PRKCI: variants seen among roughly 807,000 people sequenced by gnomAD.
PRKCI encodes protein kinase C iota.
Under a neutral mutation model 84.0 loss-of-function variants are expected in PRKCI, and 43 were observed. The observed-to-expected ratio is 0.51, with a 90% CI of 0.40 to 0.66. The LOEUF (loss-of-function observed/expected upper bound fraction) is 0.66. Ranked by LOEUF, PRKCI falls within the 30% of genes least tolerant of loss-of-function variation. The probability of loss-of-function intolerance (pLI) is 0.00; values close to 1 mark genes in which losing one functional copy is unlikely to be tolerated. For missense variants in PRKCI, 459 were observed against 745.6 expected (o/e 0.62, Z 4.48); for synonymous variants, 216 against 234.4 (o/e 0.92, Z 0.72).
At position 170,222,831 on chromosome 3, in the gene PRKCI, A is replaced by C. The variant is rs1187527940; in HGVS notation, c.101+61A>C. 1.3e-5 allele frequency: 5 copies of C among 398,758 alleles called. No homozygotes were observed. The African/African-American group carries it at 2.8e-4, about 23-fold the overall frequency. The allele number at this position is 398,758 out of a possible 1,614,324, so 24.7% of individuals were successfully genotyped here. A position where few individuals can be genotyped will look rare whatever the true frequency, so the allele number is the denominator to read the frequency against. ...GACAGGCCGGCTCCACTCGGCCTGG[A>C]GGAGGGGAGGGTGAGGGGCTGGAGG... On this transcript the variant is annotated intron_variant, in intron 1 of 17. Transcript: ENST00000295797.
At chr3:170,229,834 C>T (rs1388089811) in intron 1 of PRKCI, among the ~76,000 whole-genome samples, 1 of 152,066 alleles carries the variant, frequency 6.6e-6, no homozygotes, top group Non-Finnish European at 1.5e-5. Context: ...TGTTATCTGT[C>T]TTTTAAATTT....
intron 2 of PRKCI, among the ~76,000 whole-genome samples, chr3:170,251,990 T>C (rs2692242): frequency 0.25 from 38,469 of 151,438 alleles, 5,544 homozygotes; most frequent in African/African-American, 0.4. Context: ...CCGAGGTGGG[T>C]GGATCCTGAG....
At chr3:170,228,976 G>A (rs996111937) in intron 1 of PRKCI, among the ~76,000 whole-genome samples, 4 of 151,952 alleles carry the variant, frequency 2.6e-5, no homozygotes, top group Non-Finnish European at 5.9e-5. Context: ...TGTGGTATCT[G>A]GCTTTTTGTT....
At chr3:170,277,569 C>T (rs1734146160) in intron 8 of PRKCI, among the ~76,000 whole-genome samples, 1 of 151,980 alleles carries the variant, frequency 6.6e-6, no homozygotes, top group Non-Finnish European at 1.5e-5. Context: ...TGGCAGGCGC[C>T]TGTAGTCCCA....
At chr3:170,251,574 T>G (rs1733446137) in intron 2 of PRKCI, among the ~76,000 whole-genome samples, 1 of 152,206 alleles carries the variant, frequency 6.6e-6, no homozygotes, top group South Asian at 2.1e-4. Context: ...GACATTACTT[T>G]TCACCTATTG....
chr3:170,292,019 C>A, intron 13 of PRKCI, 78 bp downstream of exon 13: 1 of 967,788 alleles, frequency 1.0e-6, no homozygotes, highest in Non-Finnish European at 1.7e-6. Flanking sequence ...CATTACAGTA[C>A]ACTAATGCAT....
At chr3:170,299,368 C>T (rs1734767267) in intron 17 of PRKCI, among the ~76,000 whole-genome samples, 1 of 152,212 alleles carries the variant, frequency 6.6e-6, no homozygotes. Context: ...GCTGGTACTA[C>T]AGGCGCGTGC....
intron 2 of PRKCI, among the ~76,000 whole-genome samples, chr3:170,245,958 T>TTTTGTTTGTTTGTTTGTTTG (rs1553837932): frequency 3.6e-5 from 4 of 111,616 alleles, no homozygotes; most frequent in African/African-American, 1.1e-4. Flanking sequence ...TGTTTTTTTT[T>TTTTGTTTGTTTGTTTGTTTG]TTTTTTTTTT....
intron 1 of PRKCI, among the ~76,000 whole-genome samples, chr3:170,224,473 C>T (rs1328834552): frequency 4.0e-5 from 6 of 151,178 alleles, no homozygotes; most frequent in African/African-American, 1.5e-4. Context: ...TTTTTAAACC[C>T]TTACCTGTAA....
chr3:170,284,101 A>T (rs762914167), intron 11 of PRKCI, among the ~76,000 whole-genome samples: 4 of 152,036 alleles, frequency 2.6e-5, no homozygotes, highest in African/African-American at 7.2e-5. Context: ...TAGAGAAGTG[A>T]TGAAAGCTTT....
At chr3:170,284,146 G>A (rs1734318695) in intron 11 of PRKCI, among the ~76,000 whole-genome samples, 1 of 151,902 alleles carries the variant, frequency 6.6e-6, no homozygotes, top group Non-Finnish European at 1.5e-5. Flanking sequence ...GTACATACGG[G>A]CATACACCTT....
intron 2 of PRKCI, among the ~76,000 whole-genome samples, chr3:170,249,762 A>G (rs1266607769): frequency 1.3e-5 from 2 of 151,844 alleles, no homozygotes; most frequent in African/African-American, 4.8e-5. Flanking sequence ...ATGCCACTGC[A>G]TTCCAGCTTA....
chr3:170,304,250 A>C lies in PRKCI; in HGVS notation c.*1123A>C, dbSNP rs975373691. On this transcript the variant is annotated 3_prime_UTR_variant, in exon 18 of 18. Transcript: ENST00000295797. The stretch of plus-strand genomic sequence containing the variant: ...GAAAAAAACCAGAAATTTAAAATAG[A>C]TACAGAAAAGTACACTGGTAATATT... The C allele has an allele frequency of 2.0e-5, 3 of 152,190 alleles. No homozygotes were observed. The highest frequency in any genetic ancestry group is 7.2e-5 in the African/African-American group (3 of 41,430). 9.4% of individuals were successfully genotyped at this position (152,190 alleles called of 1,614,324 possible).
chr3:170,302,223 ATTTCCC>A (rs1734840136), intron 17 of PRKCI, among the ~76,000 whole-genome samples: 1 of 152,160 alleles, frequency 6.6e-6, no homozygotes, highest in South Asian at 2.1e-4. Flanking sequence ...AATTACTTGC[ATTTCCC>A]AAGACCTACC....
intron 2 of PRKCI, among the ~76,000 whole-genome samples, chr3:170,249,721 T>C (rs1300456406): frequency 6.6e-6 from 1 of 151,278 alleles, no homozygotes; most frequent in Non-Finnish European, 1.5e-5. Context: ...GGCTTGAGCC[T>C]GGGAGGTCAA....
At chr3:170,271,520 AATTG>A (rs1320016149) in intron 6 of PRKCI, among the ~76,000 whole-genome samples, 11 of 152,158 alleles carry the variant, frequency 7.2e-5, no homozygotes, top group Admixed American at 1.3e-4. Flanking sequence ...GCACTTGTAC[AATTG>A]ATTGATCTCT....
intron 3 of PRKCI, among the ~76,000 whole-genome samples, chr3:170,261,803 G>A: frequency 6.6e-6 from 1 of 152,050 alleles, no homozygotes; most frequent in East Asian, 1.9e-4. Flanking sequence ...TCTACCTCCA[G>A]AATTTGACAT....
intron 2 of PRKCI, among the ~76,000 whole-genome samples, chr3:170,255,249 G>A (rs145462929): frequency 0.022 from 3,349 of 151,720 alleles, 111 homozygotes; most frequent in African/African-American, 0.075. Context: ...TAGTGGAGAC[G>A]AGGTTTCTCC....
intron 1 of PRKCI, among the ~76,000 whole-genome samples, chr3:170,230,555 C>G (rs970431260): frequency 1.3e-5 from 2 of 152,224 alleles, no homozygotes; most frequent in Non-Finnish European, 2.9e-5. Context: ...GTCCCAAACT[C>G]GTGACCTCAA....
Sources: gnomAD v4.1 joint callset for allele counts (sites outside exome capture counted in the v4.1 genomes callset) on GRCh38, gnomAD v4.1.1 for gene constraint, MANE v1.5 for transcripts, NCBI Gene and HGNC (gene_info 2026-07-23, HGNC 2026-07-21) for gene names.